COBLL1: variants seen among roughly 807,000 people sequenced by gnomAD.
COBLL1 encodes the protein cordon-bleu WH2 repeat protein like 1.
COBLL1 carries 50 observed loss-of-function variants against 94.8 expected under a neutral mutation model. The ratio of observed to expected loss-of-function variants is 0.53; its 90% CI spans 0.42 to 0.67. The LOEUF (loss-of-function observed/expected upper bound fraction) is 0.67, where lower values mean the gene tolerates loss of function less well. Ranked by LOEUF, COBLL1 falls within the 30% of genes least tolerant of loss-of-function variation. The pLI, the probability that COBLL1 is intolerant of heterozygous loss-of-function variation, is 0.00. For missense variants in COBLL1, 1,362 were observed against 1,348.7 expected (o/e 1.01, Z -0.15); for synonymous variants, 448 against 473.8 (o/e 0.95, Z 0.71).
intron 2 of COBLL1, among the ~76,000 whole-genome samples, chr2:164,810,776 T>C (rs908442425): frequency 1.8e-4 from 28 of 151,684 alleles, no homozygotes; most frequent in Admixed American, 1.7e-3. Flanking sequence ...AAAAGAAGTA[T>C]AAGAAAAATA....
intron 2 of COBLL1, among the ~76,000 whole-genome samples, chr2:164,825,955 T>C (rs990907829): frequency 2.0e-5 from 3 of 152,204 alleles, no homozygotes; most frequent in Non-Finnish European, 2.9e-5. Context: ...TTTTAATCCA[T>C]GTGTAAAAAA....
intron 4 of COBLL1, among the ~76,000 whole-genome samples, chr2:164,728,734 C>G (rs1303226465): frequency 6.6e-6 from 1 of 151,938 alleles, no homozygotes; most frequent in Non-Finnish European, 1.5e-5. Context: ...AATAAGAGAA[C>G]ATTAGCTATT....
At position 164,694,585 on chromosome 2, in the gene COBLL1, T is replaced by C; in HGVS notation, c.2807A>G (p.Asp936Gly). The C allele has an allele frequency of 6.2e-7, 1 of 1,613,910 alleles. No homozygotes were observed. Among genetic ancestry groups the C allele is most frequent in the Non-Finnish European group, 8.5e-7 (1 of 1,179,936 alleles). ...VPQPLVEKTD[D>G]DVIGQAPAEA... is the part of the protein sequence containing the mutation. ...AGCAGGAGCCTGACCGATGACATCA[T>C]CATCAGTTTTTTCAACAAGGGGTTG... The change falls in exon 12 of 14, where the codon GAT becomes GGT. Residue 936 changes from aspartate (D) to glycine (G), a missense_variant. Physicochemically the swap from Asp to Gly is moderately conservative, Grantham distance 94. Transcript: ENST00000652658.
intron 2 of COBLL1, among the ~76,000 whole-genome samples, chr2:164,812,653 T>C (rs567228978): frequency 6.6e-6 from 1 of 152,068 alleles, no homozygotes; most frequent in East Asian, 1.9e-4. Context: ...ATAAAACAAG[T>C]ATCTTAGCAC....
Position 164,700,509 on chromosome 2 carries a change from A to C in COBLL1, c.1460+13T>G. ...CTAACGGCCACCAACACTCCAGCAC[A>C]GAGACTACTTACTGTCCATCTGTGC... On this transcript the variant is annotated intron_variant, in intron 10 of 13. Transcript: ENST00000652658. 1.2e-5 allele frequency: 19 copies of C among 1,555,234 alleles called. No homozygotes were observed. Among genetic ancestry groups the C allele is most frequent in the Non-Finnish European group, 1.4e-5 (16 of 1,128,238 alleles).
intron 2 of COBLL1, among the ~76,000 whole-genome samples, chr2:164,755,229 A>G (rs1022413323): frequency 2.6e-5 from 4 of 152,204 alleles, no homozygotes; most frequent in African/African-American, 7.2e-5. Flanking sequence ...TCTAGCATGT[A>G]GAGTATGGCA....
intron 9 of COBLL1, chr2:164,703,344 G>T: frequency 1.5e-6 from 1 of 648,396 alleles, no homozygotes; most frequent in Non-Finnish European, 2.7e-6. Context: ...CATTAAATAA[G>T]AAGAGGTAAA....
rs1042517369 is a variant in COBLL1, at chr2:164,681,984, A to C, written c.*3962T>G. On this transcript the variant is annotated 3_prime_UTR_variant, in exon 14 of 14. Coordinates refer to ENST00000652658, the MANE Select transcript of COBLL1 (RefSeq NM_001365672.2). The stretch of plus-strand genomic sequence containing the variant: ...GGAAAGTGGTAACATTTAAGAGAAA[A>C]GGAAAACCAACTGAAGATTCAGAAC... 6.6e-6 allele frequency: 1 copy of C among 152,214 alleles called. No individual in the cohort carries two copies. Among genetic ancestry groups the C allele is most frequent in the Non-Finnish European group, 1.5e-5 (1 of 68,034 alleles). 9.4% of individuals were successfully genotyped at this position (152,214 alleles called of 1,614,324 possible). A position where few individuals can be genotyped will look rare whatever the true frequency, so the allele number is the denominator to read the frequency against.
chr2:164,811,871 C>T (rs1286090640), intron 2 of COBLL1, among the ~76,000 whole-genome samples: 1 of 151,938 alleles, frequency 6.6e-6, no homozygotes, highest in Admixed American at 6.6e-5. Context: ...TTGGAACTAT[C>T]AACCTAAATT....
intron 7 of COBLL1, among the ~76,000 whole-genome samples, chr2:164,720,022 A>G (rs1024297727): frequency 6.6e-6 from 1 of 152,170 alleles, no homozygotes; most frequent in African/African-American, 2.4e-5. Flanking sequence ...GGGGTAATTA[A>G]CCACATCAAA....
At chr2:164,760,444 G>A (rs192597363) in intron 2 of COBLL1, among the ~76,000 whole-genome samples, 1 of 152,156 alleles carries the variant, frequency 6.6e-6, no homozygotes, top group Non-Finnish European at 1.5e-5. Flanking sequence ...GTGGTGAAGA[G>A]TTCTGTACTC....
intron 2 of COBLL1, among the ~76,000 whole-genome samples, chr2:164,792,917 C>G (rs139388144): frequency 0.013 from 1,923 of 152,146 alleles, 111 homozygotes; most frequent in Admixed American, 0.1. Context: ...GGAATGTCTC[C>G]TTGGAATGAA....
At chr2:164,819,032 A>G (rs1685029563) in intron 2 of COBLL1, among the ~76,000 whole-genome samples, 1 of 151,910 alleles carries the variant, frequency 6.6e-6, no homozygotes, top group Admixed American at 6.6e-5. Context: ...CAGCCTCTCA[A>G]AGTGCTGGGA....
intron 2 of COBLL1, among the ~76,000 whole-genome samples, chr2:164,773,220 CAT>C (rs1342992765): frequency 6.6e-6 from 1 of 151,966 alleles, no homozygotes; most frequent in Non-Finnish European, 1.5e-5. Flanking sequence ...ATAGGGTTCT[CAT>C]ATTTTAAATG....
chr2:164,685,861 C>A lies in COBLL1; in HGVS notation c.*85G>T. 1 of 678,132 alleles carries A rather than the reference C, an allele frequency of 1.5e-6. No homozygotes were observed. Among genetic ancestry groups the A allele is most frequent in the Non-Finnish European group, 2.6e-6 (1 of 389,224 alleles). The allele number at this position is 678,132 out of a possible 1,614,324, so 42.0% of individuals were successfully genotyped here. Reference sequence around the variant, plus strand: ...TAATAGATAATATATTAGTGTACATCTGAATATACATTTGCCAAAATGTTC... The same window carrying A: ...TAATAGATAATATATTAGTGTACATATGAATATACATTTGCCAAAATGTTC... On this transcript the variant is annotated 3_prime_UTR_variant, in exon 14 of 14. Coordinates refer to ENST00000652658, the MANE Select transcript of COBLL1 (RefSeq NM_001365672.2).
intron 2 of COBLL1, among the ~76,000 whole-genome samples, chr2:164,754,670 C>T (rs78708635): frequency 0.037 from 5,673 of 152,300 alleles, 323 homozygotes; most frequent in African/African-American, 0.13. Context: ...TGTTCTAAAG[C>T]ACTGCTCCTG....
intron 5 of COBLL1, among the ~76,000 whole-genome samples, chr2:164,726,941 G>A (rs1010958613): frequency 6.6e-6 from 1 of 151,996 alleles, no homozygotes; most frequent in African/African-American, 2.4e-5. Context: ...CAAGGGGAAG[G>A]AACCTATACA....
intron 2 of COBLL1, among the ~76,000 whole-genome samples, chr2:164,764,521 C>G (rs1228461144): frequency 6.6e-6 from 1 of 152,060 alleles, no homozygotes; most frequent in Non-Finnish European, 1.5e-5. Context: ...ACGTCATCAC[C>G]CAGTAGCAAA....
rs368198737 is a variant in COBLL1, at chr2:164,746,644, C to T, written c.42-2769G>A. On this transcript the variant is annotated intron_variant, in intron 2 of 13. Coordinates refer to ENST00000652658, the MANE Select transcript of COBLL1 (RefSeq NM_001365672.2). ...AATCCAGATGTCCCTCAATTTATGACGAGGTTACATTCTGACAAACCCACA... is the reference window on the plus strand; with the variant it reads ...AATCCAGATGTCCCTCAATTTATGATGAGGTTACATTCTGACAAACCCACA... Among the ~76,000 whole-genome samples, 54 of 152,086 alleles carry T rather than the reference C, an allele frequency of 3.6e-4. No homozygotes were observed. The South Asian group carries it at 6.4e-3, about 18-fold the overall frequency.
Sources: allele counts gnomAD v4.1 joint callset (sites outside exome capture counted in the v4.1 genomes callset), GRCh38; gene constraint gnomAD v4.1.1; transcripts MANE v1.5; gene names NCBI Gene and HGNC (gene_info 2026-07-23, HGNC 2026-07-21).